The following CADPS variants were observed in gnomAD, a reference collection of about 807,000 sequenced individuals.
The protein encoded by CADPS is calcium dependent secretion activator.
Under a neutral mutation model 167.3 loss-of-function variants are expected in CADPS, and 57 were observed. That is an observed-to-expected ratio of 0.34 (90% confidence interval 0.28 to 0.42). CADPS has a LOEUF of 0.42. Among genes scored for constraint, CADPS ranks in the 20% least tolerant of loss-of-function variants. The pLI is 1.00. For missense variants in CADPS, 1,414 were observed against 1,738.1 expected (o/e 0.81, Z 3.32); for synonymous variants, 676 against 635.3 (o/e 1.06, Z -0.96).
intron 10 of CADPS, among the ~76,000 whole-genome samples, chr3:62,555,692 T>C (rs1207104587): frequency 6.6e-6 from 1 of 152,228 alleles, no homozygotes; most frequent in African/African-American, 2.4e-5. Context: ...ATTTCCCTTC[T>C]CATATTGGCC....
intron 3 of CADPS, among the ~76,000 whole-genome samples, chr3:62,665,966 G>A (rs2150593826): frequency 6.6e-6 from 1 of 152,292 alleles, no homozygotes; most frequent in East Asian, 1.9e-4. Flanking sequence ...TGTTATTTTA[G>A]AGCAGTCCAT....
chr3:62,802,678 T>C (rs1161155302), intron 1 of CADPS, among the ~76,000 whole-genome samples: 1 of 152,152 alleles, frequency 6.6e-6, no homozygotes, highest in Non-Finnish European at 1.5e-5. Flanking sequence ...ATTGAATGAA[T>C]TGAATGAATA....
intron 3 of CADPS, among the ~76,000 whole-genome samples, chr3:62,663,286 T>C (rs1415018079): frequency 1.3e-5 from 2 of 152,168 alleles, no homozygotes; most frequent in Non-Finnish European, 2.9e-5. Context: ...TGTAGGTGAA[T>C]GAGACCCACT....
chr3:62,723,803 T>C (rs530636553), intron 3 of CADPS, among the ~76,000 whole-genome samples: 8 of 152,324 alleles, frequency 5.3e-5, no homozygotes, highest in African/African-American at 1.9e-4. Context: ...CGCTGACACT[T>C]TGCTGGCTTC....
chr3:62,576,948 T>C (rs2082407683), intron 8 of CADPS, among the ~76,000 whole-genome samples: 1 of 152,212 alleles, frequency 6.6e-6, no homozygotes, highest in South Asian at 2.1e-4. Flanking sequence ...TCTCTTATGA[T>C]ATTTTTGTAA....
chr3:62,467,869 G>A (rs2060127237), intron 24 of CADPS, among the ~76,000 whole-genome samples: 1 of 152,232 alleles, frequency 6.6e-6, no homozygotes, highest in Non-Finnish European at 1.5e-5. Context: ...GAGTCTAGAT[G>A]TGAAAATATT....
chr3:62,567,053 A>G (rs542383348), intron 9 of CADPS, among the ~76,000 whole-genome samples: 5 of 152,140 alleles, frequency 3.3e-5, no homozygotes, highest in Non-Finnish European at 7.3e-5. Flanking sequence ...TGAAGGCTCT[A>G]AACACCTGTG....
intron 10 of CADPS, among the ~76,000 whole-genome samples, chr3:62,550,505 G>C (rs1294322259): frequency 6.6e-6 from 1 of 152,090 alleles, no homozygotes; most frequent in Non-Finnish European, 1.5e-5. Flanking sequence ...TACAACGAAA[G>C]GGAAATCTCT....
intron 1 of CADPS, among the ~76,000 whole-genome samples, chr3:62,840,104 A>G (rs1196709294): frequency 6.6e-6 from 1 of 152,204 alleles, no homozygotes; most frequent in Non-Finnish European, 1.5e-5. Context: ...TGCTTCATAA[A>G]CTACAAAAAA....
intron 3 of CADPS, among the ~76,000 whole-genome samples, chr3:62,664,488 A>G (rs1001880291): frequency 6.6e-6 from 1 of 152,208 alleles, no homozygotes; most frequent in Non-Finnish European, 1.5e-5. Context: ...TGGGAAATAC[A>G]GTGTCCTCAG....
intron 16 of CADPS, chr3:62,513,576 TC>T: frequency 8.8e-7 from 1 of 1,131,348 alleles, no homozygotes; most frequent in Non-Finnish European, 1.3e-6. Context: ...ATCTGGATTT[TC>T]TTGAAATAAT....
chr3:62,533,380 C>T (rs898934926), intron 12 of CADPS, among the ~76,000 whole-genome samples: 1 of 152,098 alleles, frequency 6.6e-6, no homozygotes, highest in Non-Finnish European at 1.5e-5. Flanking sequence ...TGCTTGAACA[C>T]GGAACCATAC....
intron 6 of CADPS, among the ~76,000 whole-genome samples, chr3:62,608,762 C>T (rs1012637797): frequency 6.6e-6 from 1 of 152,098 alleles, no homozygotes; most frequent in Non-Finnish European, 1.5e-5. Context: ...ATGTCTTAAT[C>T]CCAGACATAA....
intron 17 of CADPS, among the ~76,000 whole-genome samples, chr3:62,507,761 A>G (rs926766998): frequency 6.6e-6 from 1 of 152,194 alleles, no homozygotes; most frequent in Non-Finnish European, 1.5e-5. Context: ...GCACTGTTTT[A>G]TGATTCATTT....
Position 62,604,283 on chromosome 3 carries a change from C to A in CADPS, c.1326-11535G>T, listed in dbSNP as rs76750360. ...GGTGTGATTCTCTGGATCTGCCTGC[C>A]TGTCTCTCCAATTTTGGGGGCAGTG... On this transcript the variant is annotated intron_variant, in intron 6 of 29. Coordinates refer to ENST00000383710, the MANE Select transcript of CADPS (RefSeq NM_003716.4). Among the ~76,000 whole-genome samples the A allele has an allele frequency of 2.9e-3, 436 of 152,328 alleles. 15 individuals carry two copies. The East Asian group carries it at 0.073, about 26-fold the overall frequency.
At chr3:62,493,923 A>G (rs1351732615) in intron 18 of CADPS, among the ~76,000 whole-genome samples, 2 of 152,226 alleles carry the variant, frequency 1.3e-5, no homozygotes, top group Non-Finnish European at 2.9e-5. Context: ...CATTAAGTTT[A>G]CATTAGTTAT....
At chr3:62,710,240 T>C (rs2083133903) in intron 3 of CADPS, among the ~76,000 whole-genome samples, 1 of 151,578 alleles carries the variant, frequency 6.6e-6, no homozygotes, top group Non-Finnish European at 1.5e-5. Context: ...AGCGTCTAGG[T>C]GGTTCTCAAT....
At chr3:62,770,784 AAAC>A (rs1039592663) in intron 1 of CADPS, among the ~76,000 whole-genome samples, 4 of 152,184 alleles carry the variant, frequency 2.6e-5, no homozygotes, top group African/African-American at 7.2e-5. Flanking sequence ...GTATCAAGAT[AAAC>A]AACATTACCC....
At chr3:62,649,602 C>T (rs1327405758) in intron 5 of CADPS, among the ~76,000 whole-genome samples, 1 of 119,652 alleles carries the variant, frequency 8.4e-6, no homozygotes, top group Non-Finnish European at 1.6e-5. Context: ...TCTTTGTCAC[C>T]CAGGCTGGAG....
Sources: gnomAD v4.1 joint callset for allele counts (sites outside exome capture counted in the v4.1 genomes callset) on GRCh38, gnomAD v4.1.1 for gene constraint, MANE v1.5 for transcripts, NCBI Gene and HGNC (gene_info 2026-07-23, HGNC 2026-07-21) for gene names.